ZNF563: variants seen among roughly 807,000 people sequenced by gnomAD.
ZNF563 encodes zinc finger protein 563.
In ZNF563, 39 loss-of-function variants were observed where a neutral mutation model predicts 48.5. That is an observed-to-expected ratio of 0.80 (90% CI 0.62 to 1.05). ZNF563 has a LOEUF of 1.05. Among genes scored for constraint, ZNF563 ranks in the 50% least tolerant of loss-of-function variants. ZNF563 has a pLI of 0.00. For missense variants in ZNF563, 538 were observed against 597.0 expected (o/e 0.90, Z 1.03); for synonymous variants, 168 against 187.9 (o/e 0.89, Z 0.87).
rs1026841282 is a variant in ZNF563 at position 12,318,081 on chromosome 19, C to T, written c.*513G>A. On this transcript the variant is annotated 3_prime_UTR_variant, in exon 4 of 4. Transcript: ENST00000293725. ...GGGTGCAGTGCATCTTGGCTCACTG[C>T]AACCCCCACCCCTTGGGCTCAAGAG... The T allele has an allele frequency of 6.2e-6, 1 of 161,652 alleles. No individual in the cohort carries two copies. Among genetic ancestry groups the T allele is most frequent in the Non-Finnish European group, 1.3e-5 (1 of 74,360 alleles). 10.0% of individuals were successfully genotyped at this position (161,652 alleles called of 1,614,324 possible).
At chr19:12,337,959 G>A (rs554372877), upstream of ZNF563, among the ~76,000 whole-genome samples, 11 of 152,168 alleles carry the variant, frequency 7.2e-5, no homozygotes, top group South Asian at 4.2e-4. Context: ...AAAATTAGCC[G>A]AGCATGGTGG....
At chr19:12,328,603 T>G (rs980974669) in intron 1 of ZNF563, among the ~76,000 whole-genome samples, 11 of 152,032 alleles carry the variant, frequency 7.2e-5, no homozygotes, top group Non-Finnish European at 1.3e-4. Context: ...AGAAACCCCG[T>G]GTCTACTAAA....
At chr19:12,331,444 C>T (rs1029048122) in intron 1 of ZNF563, among the ~76,000 whole-genome samples, 15 of 152,092 alleles carry the variant, frequency 9.9e-5, no homozygotes, top group Non-Finnish European at 1.9e-4. Flanking sequence ...TTTGACCTTT[C>T]GGATAGTTTT....
chr19:12,319,544 T>C lies in ZNF563; in HGVS notation c.481A>G (p.Arg161Gly). ...SYHHSFQSRGRPHTGKKRYEC... is the reference protein window; with the variant it reads ...SYHHSFQSRGGPHTGKKRYEC... ...TAGCGTTTCTTTCCAGTGTGAGGCCTTCCACGCGACTGAAAGGAGTGATGG... is the reference window on the plus strand; with the variant it reads ...TAGCGTTTCTTTCCAGTGTGAGGCCCTCCACGCGACTGAAAGGAGTGATGG... The change falls in exon 4 of 4, where the codon AGG becomes GGG. Residue 161 changes from arginine (R) to glycine (G), a missense_variant. Physicochemically the swap from Arg to Gly is moderately radical, Grantham distance 125. Coordinates refer to ENST00000293725, the MANE Select transcript of ZNF563 (RefSeq NM_145276.3). The C allele has an allele frequency of 6.2e-7, 1 of 1,614,230 alleles. No homozygotes were observed. The highest frequency in any genetic ancestry group is 8.5e-7 in the Non-Finnish European group (1 of 1,180,036).
At chr19:12,339,562 G>A in the ZNF563 span, among the ~76,000 whole-genome samples, 1 of 152,214 alleles carries the variant, frequency 6.6e-6, no homozygotes, top group East Asian at 1.9e-4. Flanking sequence ...TTACAGGCAT[G>A]AGCCACCATG....
At chr19:12,320,307 C>T (rs1285370530) in intron 3 of ZNF563, among the ~76,000 whole-genome samples, 1 of 151,810 alleles carries the variant, frequency 6.6e-6, no homozygotes, top group Non-Finnish European at 1.5e-5. Flanking sequence ...GACAACCCAA[C>T]ACCAGCTGGG....
upstream of ZNF563, among the ~76,000 whole-genome samples, chr19:12,337,374 TG>T (rs111225928): frequency 0.049 from 7,401 of 152,100 alleles, 596 homozygotes; most frequent in African/African-American, 0.17. Flanking sequence ...GGCTAATTTT[TG>T]TATTTTTTTG....
chr19:12,339,273 C>CTTT, the ZNF563 span, among the ~76,000 whole-genome samples: 344 of 86,476 alleles, frequency 4.0e-3, 2 homozygotes, highest in Non-Finnish European at 5.4e-3. Context: ...CAGTTGATTT[C>CTTT]TTTTTTTTTT....
intron 1 of ZNF563, among the ~76,000 whole-genome samples, chr19:12,324,482 CT>C (rs1249057619): frequency 2.0e-5 from 3 of 152,140 alleles, no homozygotes; most frequent in African/African-American, 7.2e-5. Context: ...CTTTGGGTGG[CT>C]GAGGTGGGCG....
chr19:12,345,563 A>G, the ZNF563 span, among the ~76,000 whole-genome samples: 36 of 152,342 alleles, frequency 2.4e-4, no homozygotes, highest in Admixed American at 4.6e-4. Context: ...ACATTACATC[A>G]TGTATAAATA....
At position 12,325,904 on chromosome 19, in the gene ZNF563, G is replaced by C. The variant is rs529338460; in HGVS notation, c.4-3193C>G. Among the ~76,000 whole-genome samples the C allele has an allele frequency of 1.9e-4, 29 of 152,332 alleles. No homozygotes were observed. In the South Asian group the frequency reaches 5.0e-3, roughly 26 times the overall value. ...CAGTGTGTACATCAGATAGGGAATAGAGTCTCTGCAAACACACTTTGAAAA... is the reference window on the plus strand; with the variant it reads ...CAGTGTGTACATCAGATAGGGAATACAGTCTCTGCAAACACACTTTGAAAA... On this transcript the variant is annotated intron_variant, in intron 1 of 3. Coordinates refer to ENST00000293725, the MANE Select transcript of ZNF563 (RefSeq NM_145276.3).
upstream of ZNF563, among the ~76,000 whole-genome samples, chr19:12,334,868 CAAAAAAAAAAA>C (rs35412288): frequency 4.4e-5 from 2 of 45,018 alleles, no homozygotes; most frequent in Non-Finnish European, 8.0e-5. Flanking sequence ...GACCTGGTCT[CAAAAAAAAAAA>C]AAAAAAAAAA....
In ZNF563 at chr19:12,319,158, G is replaced by A; in HGVS notation, c.867C>T (p.Ala289=). 1 of 1,613,922 alleles carries A rather than the reference G, an allele frequency of 6.2e-7. No individual in the cohort carries two copies. The highest frequency in any genetic ancestry group is 8.5e-7 in the Non-Finnish European group (1 of 1,179,986). ...TTCGAAGGGAACTGGAAACACTGAAGGCTTTCCCACACTGTTTACATGTAT... is the reference window on the plus strand; with the variant it reads ...TTCGAAGGGAACTGGAAACACTGAAAGCTTTCCCACACTGTTTACATGTAT... ...KPYTCKQCGK[A]FSVSSSLRRH... is the part of the protein sequence containing the mutation. The change falls in exon 4 of 4, where the codon GCC becomes GCT. Residue 289 remains alanine, a synonymous_variant. Transcript: ENST00000293725.
Position 12,319,439 on chromosome 19 carries a change from G to T in ZNF563, c.586C>A (p.Pro196Thr), listed in dbSNP as rs949859372. The change falls in exon 4 of 4, where the codon CCT (proline) becomes ACT (threonine). Residue 196 changes from proline (P) to threonine (T), a missense_variant. Transcript: ENST00000293725. ...TTCCCACACAACTTACATTTATAAG[G>T]TCTATTTCCACCTTGCACTACCATG... ...RHMVVQGGNR[P>T]YKCKLCGKAF... 1.2e-6 allele frequency: 2 copies of T among 1,614,104 alleles called. No homozygotes were observed. Among genetic ancestry groups the T allele is most frequent in the African/African-American group, 2.7e-5 (2 of 74,936 alleles).
At chr19:12,324,680 G>A (rs1199714746) in intron 1 of ZNF563, among the ~76,000 whole-genome samples, 2 of 136,032 alleles carry the variant, frequency 1.5e-5, no homozygotes, top group Admixed American at 8.4e-5. Flanking sequence ...TTGCGCTATC[G>A]CACTTCAGCC....
chr19:12,324,649 A>AGAGGTTGCGGTGAGCC (rs1256482491), intron 1 of ZNF563, among the ~76,000 whole-genome samples: 1 of 146,460 alleles, frequency 6.8e-6, no homozygotes, highest in East Asian at 2.2e-4. Flanking sequence ...CCCAGGAGGC[A>AGAGGTTGCGGTGAGCC]GAGGTTGCGG....
intron 1 of ZNF563, among the ~76,000 whole-genome samples, chr19:12,325,196 T>C (rs902788935): frequency 6.6e-6 from 1 of 151,992 alleles, no homozygotes; most frequent in South Asian, 2.1e-4. Flanking sequence ...AAGACATACA[T>C]TAAGGCCAGG....
intron 1 of ZNF563, among the ~76,000 whole-genome samples, chr19:12,331,327 C>T (rs564886017): frequency 9.9e-5 from 15 of 152,184 alleles, no homozygotes; most frequent in African/African-American, 3.6e-4. Flanking sequence ...ATCCCCCACC[C>T]CCGTGCTGCT....
At chr19:12,325,476 A>C (rs1188132753) in intron 1 of ZNF563, among the ~76,000 whole-genome samples, 1 of 151,974 alleles carries the variant, frequency 6.6e-6, no homozygotes, top group South Asian at 2.1e-4. Flanking sequence ...TCTCAAAAAA[A>C]AAAAAAAAAA....
Sources: gnomAD v4.1 joint callset for allele counts (sites outside exome capture counted in the v4.1 genomes callset) on GRCh38, gnomAD v4.1.1 for gene constraint, MANE v1.5 for transcripts, NCBI Gene and HGNC (gene_info 2026-07-23, HGNC 2026-07-21) for gene names.